Variants in USP25 observed in about 807,000 individuals in gnomAD.
USP25 encodes ubiquitin specific peptidase 25.
Under a neutral mutation model 158.5 loss-of-function variants are expected in USP25, and 85 were observed. The observed-to-expected ratio is 0.54, with a 90% confidence interval of 0.45 to 0.64. USP25 has a LOEUF of 0.64. USP25 is among the 30% of genes least tolerant of loss of function. The pLI, the probability that USP25 is intolerant of heterozygous loss-of-function variation, is 0.00. For synonymous variants in USP25, 464 were observed against 460.4 expected (o/e 1.01, Z -0.10); for missense variants, 1,242 against 1,327.3 (o/e 0.94, Z 1.00).
At chr21:15,831,285 T>TA (rs996446201) in intron 15 of USP25, 116 bp from the exon 16 acceptor site, 4,931 of 746,040 alleles carry the variant, frequency 6.6e-3, no homozygotes, top group Non-Finnish European at 7.7e-3. Flanking sequence ...CTCTCTCATT[T>TA]AAAAAAAAAA....
At chr21:15,865,365 G>A (rs1481993493) in intron 21 of USP25, among the ~76,000 whole-genome samples, 1 of 152,142 alleles carries the variant, frequency 6.6e-6, no homozygotes, top group African/African-American at 2.4e-5. Context: ...AGTTAAAAGT[G>A]TATAGCAAAG....
At chr21:15,825,575 C>T (rs1008938496) in intron 12 of USP25, among the ~76,000 whole-genome samples, 6 of 152,046 alleles carry the variant, frequency 3.9e-5, no homozygotes, top group African/African-American at 1.2e-4. Context: ...AGTATGGCCT[C>T]ACTGTTGTCT....
intron 23 of USP25, 82 bp downstream of exon 23, chr21:15,870,229 AT>A: frequency 1.2e-6 from 1 of 860,878 alleles, no homozygotes; most frequent in South Asian, 2.0e-5. Flanking sequence ...CATGGAAAAG[AT>A]TTTATTCATA....
In USP25 at chr21:15,831,599, A is replaced by T. The variant is rs768646388; in HGVS notation, c.1963A>T (p.Ile655Leu). 2 of 1,613,890 alleles carry T rather than the reference A, an allele frequency of 1.2e-6. No individual in the cohort carries two copies. The highest frequency in any genetic ancestry group is 1.7e-6 in the Non-Finnish European group (2 of 1,179,854). The change falls in exon 16 of 26, where the codon ATA becomes TTA. Residue 655 changes from isoleucine (I) to leucine (L), a missense_variant. Physicochemically the swap from Ile to Leu is conservative, Grantham distance 5 (BLOSUM62 2). Transcript: ENST00000400183. ...TGCCAGTGCATACTGTTTAATGTAC[A>T]TAAATGATAAGGCACAGTTCCTAAT... ...RNASAYCLMY[I>L]NDKAQFLIQE... is the part of the protein sequence containing the mutation.
At chr21:15,803,572 C>A (rs1436247688) in intron 6 of USP25, among the ~76,000 whole-genome samples, 2 of 151,720 alleles carry the variant, frequency 1.3e-5, no homozygotes, top group African/African-American at 2.4e-5. Flanking sequence ...TGGTAAAAAT[C>A]TTCTAGAAAC....
chr21:15,739,656 A>T (rs896513604), intron 1 of USP25, among the ~76,000 whole-genome samples: 4 of 152,164 alleles, frequency 2.6e-5, no homozygotes, highest in African/African-American at 9.7e-5. Context: ...TGACACTGGC[A>T]TAATTTTACT....
intron 3 of USP25, among the ~76,000 whole-genome samples, chr21:15,773,480 T>C (rs1033216600): frequency 6.6e-6 from 1 of 152,166 alleles, no homozygotes; most frequent in Non-Finnish European, 1.5e-5. Flanking sequence ...CTGGTTTTTT[T>C]TTTTCCTCCC....
chr21:15,794,352 C>T (rs2205585), intron 5 of USP25, among the ~76,000 whole-genome samples: 30,420 of 151,468 alleles, frequency 0.2, 4,764 homozygotes, highest in African/African-American at 0.44. Flanking sequence ...AATCTTTTGG[C>T]TGCTGGCAAC....
In USP25 at chr21:15,763,074, T is replaced by C. The variant is rs1055983626; in HGVS notation, c.123+106T>C. On this transcript the variant is annotated intron_variant, in intron 2 of 25. Transcript: ENST00000400183. ...TTTTGGGGTATACCATGTGGTAGTT[T>C]TAGAGATACAGGAATGGACTTTGTA... The C allele has an allele frequency of 3.9e-6, 4 of 1,019,584 alleles. No individual in the cohort carries two copies. The African/African-American group carries it at 6.7e-5, about 17-fold the overall frequency. The allele number at this position is 1,019,584 out of a possible 1,614,324, so 63.2% of individuals were successfully genotyped here.
chr21:15,838,908 C>T (rs1486281533), intron 17 of USP25, among the ~76,000 whole-genome samples: 3 of 152,068 alleles, frequency 2.0e-5, no homozygotes, highest in African/African-American at 7.2e-5. Context: ...CCTCAATAGC[C>T]TGTTTCAACA....
intron 1 of USP25, among the ~76,000 whole-genome samples, chr21:15,746,721 T>A (rs2032589981): frequency 6.6e-6 from 1 of 152,230 alleles, no homozygotes; most frequent in African/African-American, 2.4e-5. Context: ...TTATTCCAAT[T>A]GTTTTTTGCT....
intron 10 of USP25, among the ~76,000 whole-genome samples, chr21:15,823,160 C>T (rs554367733): frequency 5.3e-5 from 8 of 152,128 alleles, no homozygotes; most frequent in Non-Finnish European, 8.8e-5. Context: ...GCAGCAGTTT[C>T]GCATATTGCA....
intron 7 of USP25, among the ~76,000 whole-genome samples, chr21:15,807,015 C>T (rs2036426244): frequency 6.6e-6 from 1 of 152,126 alleles, no homozygotes; most frequent in African/African-American, 2.4e-5. Flanking sequence ...CATCAGCCTC[C>T]TGGGCTCAAC....
chr21:15,742,468 G>T (rs187324078), intron 1 of USP25, among the ~76,000 whole-genome samples: 40 of 151,710 alleles, frequency 2.6e-4, no homozygotes, highest in African/African-American at 9.7e-4. Flanking sequence ...ATAATCAAAT[G>T]TCTCAGTTAA....
chr21:15,793,426 C>G (rs1376292008), intron 5 of USP25, among the ~76,000 whole-genome samples: 1 of 99,498 alleles, frequency 1.0e-5, no homozygotes, highest in Non-Finnish European at 1.8e-5. Context: ...CTAATCTTAG[C>G]TTTTCTAGCT....
intron 9 of USP25, among the ~76,000 whole-genome samples, chr21:15,818,138 T>C (rs1229775648): frequency 6.6e-6 from 1 of 152,138 alleles, no homozygotes; most frequent in East Asian, 1.9e-4. Flanking sequence ...TAACTCCCAC[T>C]CATTATTCAA....
At chr21:15,876,308 G>A (rs2040096300) in intron 24 of USP25, 4 of 152,054 alleles carry the variant, frequency 2.6e-5, no homozygotes, top group Admixed American at 2.6e-4. Flanking sequence ...CCTATGGTTG[G>A]AAGATAAAAT....
chr21:15,862,664 T>G (rs1236730070), intron 20 of USP25, among the ~76,000 whole-genome samples: 2 of 150,864 alleles, frequency 1.3e-5, no homozygotes, highest in Admixed American at 6.6e-5. Flanking sequence ...ACAGTAAGCG[T>G]TGATAATCTT....
At chr21:15,833,296 A>C (rs370246017) in intron 16 of USP25, 52 bp from the exon 17 acceptor site, 1 of 1,544,702 alleles carries the variant, frequency 6.5e-7, no homozygotes. Flanking sequence ...TGAGCTTTGC[A>C]TTTTCCCTTT....
Sources: gnomAD v4.1 joint callset for allele counts (sites outside exome capture counted in the v4.1 genomes callset) on GRCh38, gnomAD v4.1.1 for gene constraint, MANE v1.5 for transcripts, NCBI Gene and HGNC (gene_info 2026-07-23, HGNC 2026-07-21) for gene names.